Variants in TSPAN11 observed in about 807,000 individuals in gnomAD.
The protein encoded by TSPAN11 is tetraspanin-11.
In TSPAN11, 29 loss-of-function variants were observed where a neutral mutation model predicts 32.9. The ratio of observed to expected loss-of-function variants is 0.88; its 90% CI spans 0.66 to 1.20. TSPAN11 has a LOEUF of 1.20. Ranked by LOEUF, TSPAN11 falls within the 50% of genes most tolerant of loss-of-function variation. The pLI is 0.00. For synonymous variants in TSPAN11, 140 were observed against 141.3 expected (o/e 0.99, Z 0.07); for missense variants, 283 against 329.1 (o/e 0.86, Z 1.08).
At chr12:30,927,790 A>C (rs575924383) in intron 1 of TSPAN11, among the ~76,000 whole-genome samples, 7 of 152,258 alleles carry the variant, frequency 4.6e-5, no homozygotes, top group Middle Eastern at 3.4e-3. Context: ...TCAGAACTTA[A>C]TGGTTGTCAC....
At chr12:30,952,592 A>C (rs1284460201) in intron 1 of TSPAN11, among the ~76,000 whole-genome samples, 1 of 152,146 alleles carries the variant, frequency 6.6e-6, no homozygotes, top group African/African-American at 2.4e-5. Flanking sequence ...CATGAGCTTG[A>C]AATAAGAGGC....
chr12:30,992,421 GC>G lies in TSPAN11; in HGVS notation c.*509del, dbSNP rs1276283311. On this transcript the variant is annotated 3_prime_UTR_variant, in exon 8 of 8. Coordinates refer to ENST00000546076, the MANE Select transcript of TSPAN11 (RefSeq NM_001370302.1). ...CCCAGAAGACCTTGCCCTTTGACCT[GC>G]CCACTCTCCACACTGCCTCACCTGG... 3.2e-5 allele frequency: 6 copies of G among 185,136 alleles called. No homozygotes were observed. The highest frequency in any genetic ancestry group is 5.8e-5 in the Non-Finnish European group (5 of 86,466). The allele number at this position is 185,136 out of a possible 1,614,324, so 11.5% of individuals were successfully genotyped here.
At chr12:30,989,453 TG>T (rs1056755538) in intron 7 of TSPAN11, among the ~76,000 whole-genome samples, 1 of 152,204 alleles carries the variant, frequency 6.6e-6, no homozygotes, top group African/African-American at 2.4e-5. Flanking sequence ...TTGGAAGGAC[TG>T]GGTGCTGTGC....
chr12:31,012,306 A>T, the TSPAN11 span, among the ~76,000 whole-genome samples: 1 of 152,230 alleles, frequency 6.6e-6, no homozygotes, highest in East Asian at 1.9e-4. Context: ...GTGGTGGGAC[A>T]GCTGCTGCCC....
At chr12:30,971,635 A>C (rs1158486110) in intron 3 of TSPAN11, among the ~76,000 whole-genome samples, 1 of 152,156 alleles carries the variant, frequency 6.6e-6, no homozygotes, top group African/African-American at 2.4e-5. Flanking sequence ...CTGTAGTCCC[A>C]GCTACTTAGG....
chr12:30,952,130 T>G (rs1938394285), intron 1 of TSPAN11, among the ~76,000 whole-genome samples: 1 of 152,154 alleles, frequency 6.6e-6, no homozygotes, highest in Admixed American at 6.5e-5. Context: ...CTCTGTGGTT[T>G]GAGTGAGTGA....
At chr12:30,948,359 A>C (rs892772380) in intron 1 of TSPAN11, among the ~76,000 whole-genome samples, 1 of 152,196 alleles carries the variant, frequency 6.6e-6, no homozygotes, top group African/African-American at 2.4e-5. Context: ...TCCCTTCCAC[A>C]CTGCCCTAGC....
At chr12:30,963,552 C>A (rs56243125) in intron 2 of TSPAN11, among the ~76,000 whole-genome samples, 1 of 152,234 alleles carries the variant, frequency 6.6e-6, no homozygotes, top group African/African-American at 2.4e-5. Flanking sequence ...TGGCCTCATA[C>A]GCAATAGGCC....
intron 7 of TSPAN11, among the ~76,000 whole-genome samples, chr12:30,983,845 T>C (rs1356323707): frequency 6.6e-6 from 1 of 152,114 alleles, no homozygotes; most frequent in Admixed American, 6.5e-5. Context: ...TGTGCATAGG[T>C]TATATGCAAA....
intron 1 of TSPAN11, among the ~76,000 whole-genome samples, chr12:30,947,091 C>T (rs969993776): frequency 3.9e-5 from 6 of 152,220 alleles, no homozygotes; most frequent in South Asian, 4.1e-4. Context: ...CAGGTCCCTC[C>T]GTTCACTGGC....
chr12:30,928,194 G>A (rs1937842397), intron 1 of TSPAN11, among the ~76,000 whole-genome samples: 1 of 152,192 alleles, frequency 6.6e-6, no homozygotes. Context: ...AGGAAAACTG[G>A]CGTTGATGTC....
chr12:31,001,211 G>A (rs1466933697), downstream of TSPAN11, among the ~76,000 whole-genome samples: 1 of 152,208 alleles, frequency 6.6e-6, no homozygotes, highest in African/African-American at 2.4e-5. Flanking sequence ...TCAAGGTTGT[G>A]ATCTGGCAGT....
chr12:30,954,942 A>G (rs1408264233), intron 2 of TSPAN11: 1 of 152,238 alleles, frequency 6.6e-6, no homozygotes, highest in African/African-American at 2.4e-5. Context: ...ATGATAAGGC[A>G]TAGCTGGGCT....
rs867941144 is a variant in TSPAN11, at chr12:30,980,751, C to T, written c.456+1081C>T. Among the ~76,000 whole-genome samples the T allele has an allele frequency of 1.4e-4, 21 of 152,242 alleles. No homozygotes were observed. The South Asian group carries it at 2.5e-3, about 18-fold the overall frequency. On this transcript the variant is annotated intron_variant, in intron 5 of 7. Coordinates refer to ENST00000546076, the MANE Select transcript of TSPAN11 (RefSeq NM_001370302.1). ...TTCTCTGAAATAGTGGCCCGGGACA[C>T]GCATGTACACACAAGTGCACACCCA... is the stretch of plus-strand genomic sequence containing the variant.
chr12:30,946,166 A>C (rs1325033975), intron 1 of TSPAN11, among the ~76,000 whole-genome samples: 1 of 152,236 alleles, frequency 6.6e-6, no homozygotes, highest in African/African-American at 2.4e-5. Context: ...AGCAGTGGCC[A>C]GCCATCCTGG....
At chr12:30,942,532 C>A (rs1245089265) in intron 1 of TSPAN11, among the ~76,000 whole-genome samples, 1 of 152,028 alleles carries the variant, frequency 6.6e-6, no homozygotes. Flanking sequence ...AAAAAATGAT[C>A]TAGGAAAAAC....
In TSPAN11 at chr12:30,975,125, C is replaced by T. The variant is rs1454402888; in HGVS notation, c.277-3436C>T. Among the ~76,000 whole-genome samples, 2 of 152,226 alleles carry T rather than the reference C, an allele frequency of 1.3e-5. No homozygotes were observed. The highest frequency in any genetic ancestry group is 1.9e-4 in the East Asian group (1 of 5,196). On this transcript the variant is annotated intron_variant, in intron 3 of 7. Coordinates refer to ENST00000546076, the MANE Select transcript of TSPAN11 (RefSeq NM_001370302.1). This position sits in a 1 kb window ranked among gnomAD's most constrained non-coding sequence, Gnocchi z 4.5. ...ACCAGGAACACTTTTCAGCTTTGCACACAGAGCCAGCGTGTGCCGCAGGGG... is the reference window on the plus strand; with the variant it reads ...ACCAGGAACACTTTTCAGCTTTGCATACAGAGCCAGCGTGTGCCGCAGGGG...
chr12:30,962,462 A>G (rs1454696901), intron 2 of TSPAN11, among the ~76,000 whole-genome samples: 1 of 152,208 alleles, frequency 6.6e-6, no homozygotes, highest in Non-Finnish European at 1.5e-5. Context: ...TCATCTGCAA[A>G]ATGCAGAATA....
the TSPAN11 span, among the ~76,000 whole-genome samples, chr12:31,001,841 A>G: frequency 1.3e-5 from 2 of 152,150 alleles, no homozygotes; most frequent in Non-Finnish European, 2.9e-5. Flanking sequence ...TGACCCTCTC[A>G]TATACAGCCA....
Sources: allele counts gnomAD v4.1 joint callset (sites outside exome capture counted in the v4.1 genomes callset), GRCh38; gene constraint gnomAD v4.1.1; non-coding constraint Gnocchi (gnomAD v3.1); transcripts MANE v1.5; gene names NCBI Gene and HGNC (gene_info 2026-07-23, HGNC 2026-07-21).